Variants in SLCO2A1 observed in about 807,000 individuals in gnomAD.
SLCO2A1 encodes the protein matrin F/G 1.
SLCO2A1 carries 60 observed loss-of-function variants against 71.7 expected under a neutral mutation model. That is an observed-to-expected ratio of 0.84 (90% CI 0.68 to 1.04). The LOEUF (loss-of-function observed/expected upper bound fraction) is 1.04, where lower values mean the gene tolerates loss of function less well. Ranked by LOEUF, SLCO2A1 falls within the 50% of genes least tolerant of loss-of-function variation. The pLI is 0.00. For synonymous variants in SLCO2A1, 308 were observed against 326.7 expected, an observed-to-expected ratio of 0.94 and a Z score of 0.62; for missense variants, 745 against 813.4, an observed-to-expected ratio of 0.92 and a Z score of 1.02.
intron 1 of SLCO2A1, among the ~76,000 whole-genome samples, chr3:133,994,564 T>C (rs1229341755): frequency 6.6e-6 from 1 of 152,224 alleles, no homozygotes; most frequent in East Asian, 1.9e-4. Context: ...CCCTCTTCCT[T>C]CTCCCCACAT....
Position 133,948,913 on chromosome 3 carries a change from G to A in SLCO2A1, c.920C>T (p.Ser307Phe). 2 of 1,614,166 alleles carry A rather than the reference G, an allele frequency of 1.2e-6. No homozygotes were observed. Among genetic ancestry groups the A allele is most frequent in the African/African-American group, 1.3e-5 (1 of 75,036 alleles). ...RKLEEAKSRG[S>F]LVDFIKRFPC... The stretch of plus-strand genomic sequence containing the variant: ...GTTACGTTTAATGAAATCCACCAGG[G>A]AGCCTCTTGACTTGGCCTCCTCCAA... The change falls in exon 7 of 14, where the codon TCC (serine) becomes TTC (phenylalanine). Residue 307 changes from serine to phenylalanine, a missense_variant. By Grantham distance (155) the Ser-to-Phe change is radical. Transcript: ENST00000310926.
At chr3:133,938,535 G>C (rs566206391) in intron 11 of SLCO2A1, 42 bp from the exon 12 acceptor site, 1 of 1,592,766 alleles carries the variant, frequency 6.3e-7, no homozygotes, top group South Asian at 1.1e-5. Context: ...AGGATTCAGG[G>C]CTGCACGATC....
intron 3 of SLCO2A1, among the ~76,000 whole-genome samples, chr3:133,971,252 T>G (rs140161371): frequency 6.6e-6 from 1 of 152,388 alleles, no homozygotes; most frequent in Non-Finnish European, 1.5e-5. Context: ...CTGGCCACAC[T>G]GCTCTCTGAG....
At position 133,934,157 on chromosome 3, in the gene SLCO2A1, G is replaced by C. The variant is rs1363088953; in HGVS notation, c.*556C>G. On this transcript the variant is annotated 3_prime_UTR_variant, in exon 14 of 14. Transcript: ENST00000310926. Reference sequence around the variant, plus strand: ...ACAGGAAGTGAGGGTCTGAGGGGGAGGGAGCCAGCCCCTCCCGTAGTCTGT... The same window carrying C: ...ACAGGAAGTGAGGGTCTGAGGGGGACGGAGCCAGCCCCTCCCGTAGTCTGT... 1 of 152,482 alleles carries C rather than the reference G, an allele frequency of 6.6e-6. No individual in the cohort carries two copies. Among genetic ancestry groups the C allele is most frequent in the African/African-American group, 2.4e-5 (1 of 41,448 alleles). The allele number at this position is 152,482 out of a possible 1,614,324, so 9.4% of individuals were successfully genotyped here. A position where few individuals can be genotyped will look rare whatever the true frequency, so the allele number is the denominator to read the frequency against.
intron 9 of SLCO2A1, among the ~76,000 whole-genome samples, chr3:133,945,594 A>C (rs1392489226): frequency 6.6e-6 from 1 of 152,188 alleles, no homozygotes; most frequent in Non-Finnish European, 1.5e-5. Flanking sequence ...GGCAGGTCAC[A>C]GACAATATTC....
chr3:133,953,672 C>A lies in SLCO2A1; in HGVS notation c.715G>T (p.Val239Phe), dbSNP rs748254349. Residue 239 changes from valine (V) to phenylalanine (F), a missense_variant, in exon 5 of 14, where the codon GTC (valine) becomes TTC (phenylalanine). Val to Phe is a conservative substitution (Grantham distance 50, BLOSUM62 -1). Transcript: ENST00000310926. ...CTCTGCACATACTCACCTGTGTTGA[C>A]CCTGCCATAGTCCACAAAGATCTGC... ...MLQIFVDYGR[V>F]NTAAVNLVPG... is the part of the protein sequence containing the mutation. 2.5e-6 allele frequency: 4 copies of A among 1,614,042 alleles called. No individual in the cohort carries two copies. Among genetic ancestry groups the A allele is most frequent in the Non-Finnish European group, 3.4e-6 (4 of 1,179,934 alleles).
chr3:133,968,883 A>T (rs1934257762), intron 3 of SLCO2A1, among the ~76,000 whole-genome samples: 1 of 152,278 alleles, frequency 6.6e-6, no homozygotes, highest in African/African-American at 2.4e-5. Context: ...CCCCACTGAC[A>T]TTTAGAAAAT....
chr3:133,963,413 G>T (rs1160338447), intron 3 of SLCO2A1, among the ~76,000 whole-genome samples: 1 of 152,212 alleles, frequency 6.6e-6, no homozygotes, highest in South Asian at 2.1e-4. Context: ...TTGCACCAAG[G>T]TCTAGAGCTG....
At chr3:133,963,266 G>T (rs994470159) in intron 3 of SLCO2A1, among the ~76,000 whole-genome samples, 5 of 152,168 alleles carry the variant, frequency 3.3e-5, no homozygotes, top group African/African-American at 4.8e-5. Flanking sequence ...TCCAGAGATG[G>T]GGTAGATCTG....
intron 1 of SLCO2A1, among the ~76,000 whole-genome samples, chr3:133,983,126 A>C (rs1934631908): frequency 6.6e-6 from 1 of 152,056 alleles, no homozygotes. Flanking sequence ...CCTTGCTTCT[A>C]ATGAAGAGAA....
At chr3:134,003,607 G>T (rs1159503228) in intron 1 of SLCO2A1, among the ~76,000 whole-genome samples, 1 of 152,180 alleles carries the variant, frequency 6.6e-6, no homozygotes, top group Non-Finnish European at 1.5e-5. Context: ...TCCATTTGGG[G>T]TTTCCTATTG....
intron 1 of SLCO2A1, among the ~76,000 whole-genome samples, chr3:134,019,209 A>G (rs989083868): frequency 2.6e-5 from 4 of 152,160 alleles, no homozygotes; most frequent in African/African-American, 7.2e-5. Flanking sequence ...TGGTTCCTCT[A>G]TAGTCCACCC....
At chr3:133,966,380 C>T (rs2108051344) in intron 3 of SLCO2A1, among the ~76,000 whole-genome samples, 1 of 152,328 alleles carries the variant, frequency 6.6e-6, no homozygotes, top group East Asian at 1.9e-4. Context: ...ACCAATGCTT[C>T]TGGAGAAGCA....
chr3:133,948,755 C>T, intron 7 of SLCO2A1, 55 bp from the exon 8 acceptor site: 4 of 1,601,786 alleles, frequency 2.5e-6, no homozygotes, highest in East Asian at 2.2e-5. Flanking sequence ...GCAGGCACAC[C>T]TAGGGGATGG....
At chr3:133,949,590 C>T (rs1335585416) in intron 6 of SLCO2A1, among the ~76,000 whole-genome samples, 1 of 152,192 alleles carries the variant, frequency 6.6e-6, no homozygotes. Context: ...ATGCAAGGCC[C>T]CTGGGCTCTG....
chr3:133,975,837 G>A (rs186363105), intron 2 of SLCO2A1, among the ~76,000 whole-genome samples: 28 of 152,202 alleles, frequency 1.8e-4, no homozygotes, highest in African/African-American at 4.1e-4. Flanking sequence ...CTCTGACCTC[G>A]TCATTTAAAA....
In SLCO2A1 at chr3:133,932,735, T is replaced by C. The variant is rs1933171805; in HGVS notation, c.*1978A>G. ...AAATTAGAATATTTTAATAGTAATA[T>C]AATAGAATAAAGGTTTGGGAGTGCA... On this transcript the variant is annotated 3_prime_UTR_variant, in exon 14 of 14. Coordinates refer to ENST00000310926, the MANE Select transcript of SLCO2A1 (RefSeq NM_005630.3). 6.6e-6 allele frequency: 1 copy of C among 151,374 alleles called. No individual in the cohort carries two copies. The highest frequency in any genetic ancestry group is 1.5e-5 in the Non-Finnish European group (1 of 67,956). 9.4% of individuals were successfully genotyped at this position (151,374 alleles called of 1,614,324 possible). A position where few individuals can be genotyped will look rare whatever the true frequency, so the allele number is the denominator to read the frequency against.
chr3:133,935,452 T>A (rs1200322026), intron 13 of SLCO2A1, among the ~76,000 whole-genome samples: 1 of 152,200 alleles, frequency 6.6e-6, no homozygotes, highest in Non-Finnish European at 1.5e-5. Context: ...AGCCATGGCC[T>A]CTTCCTTGGG....
intron 3 of SLCO2A1, among the ~76,000 whole-genome samples, chr3:133,973,221 G>A (rs947498161): frequency 5.3e-5 from 8 of 152,158 alleles, no homozygotes; most frequent in African/African-American, 1.7e-4. Flanking sequence ...TTCATGGATC[G>A]GCAAACTCAA....
Sources: allele counts gnomAD v4.1 joint callset (sites outside exome capture counted in the v4.1 genomes callset), GRCh38; gene constraint gnomAD v4.1.1; transcripts MANE v1.5; gene names NCBI Gene and HGNC (gene_info 2026-07-23, HGNC 2026-07-21).